SDCBP2: variants seen among roughly 807,000 people sequenced by gnomAD.
SDCBP2 encodes syndecan binding protein 2.
Under a neutral mutation model 30.7 loss-of-function variants are expected in SDCBP2, and 28 were observed. The ratio of observed to expected loss-of-function variants is 0.91; its 90% CI spans 0.68 to 1.25. The LOEUF (loss-of-function observed/expected upper bound fraction) is 1.25, where lower values mean the gene tolerates loss of function less well. Among genes scored for constraint, SDCBP2 ranks in the 50% most tolerant of loss-of-function variants. The pLI is 0.00. For missense variants in SDCBP2, 399 were observed against 379.0 expected, an observed-to-expected ratio of 1.05 and a Z score of -0.44; for synonymous variants, 166 against 157.3, an observed-to-expected ratio of 1.06 and a Z score of -0.41.
At position 1,312,693 on chromosome 20, in the gene SDCBP2, G is replaced by A. The variant is rs201102172; in HGVS notation, c.454C>T (p.Leu152Phe). ...CAGTCACGCCCGTCAATCTGCAGGA[G>A]CTGGTCCCCAAAGCGCAGCCCCACA... Reference protein sequence around the residue: ...SLVGLRFGDQLLQIDGRDCAG... With the variant: ...SLVGLRFGDQFLQIDGRDCAG... The change falls in exon 6 of 9, where the codon CTC (leucine) becomes TTC (phenylalanine). Residue 152 changes from leucine to phenylalanine, a missense_variant. Transcript: ENST00000360779. 6.2e-7 allele frequency: 1 copy of A among 1,614,162 alleles called. No homozygotes were observed. Among genetic ancestry groups the A allele is most frequent in the African/African-American group, 1.3e-5 (1 of 75,054 alleles).
At position 1,319,636 on chromosome 20, in the gene SDCBP2, C is replaced by A. The variant is rs763101569; in HGVS notation, c.78G>T (p.Lys26Asn). Residue 26 changes from lysine to asparagine, a missense_variant, in exon 3 of 9, where the codon AAG (lysine) becomes AAT (asparagine). Transcript: ENST00000360779. Reference protein sequence around the residue: ...AIQAQVRASPKMPALPVQATA... With the variant: ...AIQAQVRASPNMPALPVQATA... ...TTGCCTGGACTGGCAGGGCTGGCAT[C>A]TTGGGTGAGGCTCTGACCTGGGCCT... The A allele has an allele frequency of 3.2e-6, 5 of 1,569,394 alleles. No individual in the cohort carries two copies. The highest frequency in any genetic ancestry group is 4.3e-6 in the Non-Finnish European group (5 of 1,156,758).
At chr20:1,312,220 C>A in intron 7 of SDCBP2, 117 bp downstream of exon 7, 1 of 1,036,156 alleles carries the variant, frequency 9.7e-7, no homozygotes, top group Non-Finnish European at 1.4e-6. Context: ...TCTTACTGAA[C>A]CCTCACAGCA....
chr20:1,325,052 C>T (rs1260256288), intron 1 of SDCBP2, among the ~76,000 whole-genome samples: 1 of 152,170 alleles, frequency 6.6e-6, no homozygotes, highest in Non-Finnish European at 1.5e-5. Context: ...AGCCTCAGGA[C>T]GAACCTGTGC....
intron 3 of SDCBP2, 135 bp downstream of exon 3, chr20:1,319,455 C>T (rs914594572): frequency 2.1e-6 from 2 of 964,526 alleles, no homozygotes; most frequent in African/African-American, 3.3e-5. Flanking sequence ...CAACTGGAAG[C>T]CTGGTCCTCT....
In SDCBP2 at chr20:1,313,776, A is replaced by G; in HGVS notation, c.226-278T>C. ...CCTTCATTTCCCAAGGGAAACTGGC[A>G]TCAGGAAAAGCCTCCTTTAAAACCC... On this transcript the variant is annotated intron_variant, in intron 4 of 8. Coordinates refer to ENST00000360779, the MANE Select transcript of SDCBP2 (RefSeq NM_080489.5). The surrounding 1 kb of genome is among the most constrained non-coding windows in gnomAD (Gnocchi z 5.2). The G allele has an allele frequency of 2.8e-6, 2 of 704,438 alleles. No individual in the cohort carries two copies. Among genetic ancestry groups the G allele is most frequent in the Non-Finnish European group, 3.9e-6 (2 of 508,516 alleles). 43.6% of individuals were successfully genotyped at this position (704,438 alleles called of 1,614,324 possible).
chr20:1,313,013 T>G lies in SDCBP2; in HGVS notation c.385-251A>C. On this transcript the variant is annotated intron_variant, in intron 5 of 8. Coordinates refer to ENST00000360779, the MANE Select transcript of SDCBP2 (RefSeq NM_080489.5). The surrounding 1 kb of genome is among the most constrained non-coding windows in gnomAD (Gnocchi z 5.2). ...CACTCCGAAACACTCCACTGTACCA[T>G]TCACAAAGGCATGGGCTTCCCTGGC... The G allele has an allele frequency of 1.7e-6, 1 of 585,682 alleles. No homozygotes were observed. Among genetic ancestry groups the G allele is most frequent in the Non-Finnish European group, 3.0e-6 (1 of 330,206 alleles). The allele number at this position is 585,682 out of a possible 1,614,324, so 36.3% of individuals were successfully genotyped here.
intron 4 of SDCBP2, among the ~76,000 whole-genome samples, chr20:1,316,250 G>C (rs941309243): frequency 6.6e-6 from 1 of 152,228 alleles, no homozygotes; most frequent in Non-Finnish European, 1.5e-5. Context: ...TTAAGACCAT[G>C]ATGAGCCATC....
rs1343796906 is a variant in SDCBP2, at chr20:1,313,512, G to A, written c.226-14C>T. 6.4e-7 allele frequency: 1 copy of A among 1,571,404 alleles called. No individual in the cohort carries two copies. The highest frequency in any genetic ancestry group is 2.3e-5 in the East Asian group (1 of 43,532). On this transcript the variant is annotated splice_polypyrimidine_tract_variant and intron_variant, in intron 4 of 8. Coordinates refer to ENST00000360779, the MANE Select transcript of SDCBP2 (RefSeq NM_080489.5). The surrounding 1 kb of genome is among the most constrained non-coding windows in gnomAD (Gnocchi z 5.2). ...CGAGACCGCTGTCTGCAGACACCAG[G>A]GGGCAGGGGGTCAGCCCGGCCCGTG...
chr20:1,311,122 G>A (rs935076181), intron 7 of SDCBP2: 3 of 477,496 alleles, frequency 6.3e-6, no homozygotes, highest in African/African-American at 5.8e-5. Context: ...GATCTCCTTG[G>A]TCAAATGAGC....
At chr20:1,326,011 G>A (rs907344251) in intron 1 of SDCBP2, 27 of 152,390 alleles carry the variant, frequency 1.8e-4, no homozygotes, top group African/African-American at 5.5e-4. Flanking sequence ...CAGACCGAAA[G>A]CCTGTTATGA....
Position 1,310,385 on chromosome 20 carries a change from C to T in SDCBP2, c.*56G>A. 1 of 1,577,648 alleles carries T rather than the reference C, an allele frequency of 6.3e-7. No individual in the cohort carries two copies. The highest frequency in any genetic ancestry group is 8.7e-7 in the Non-Finnish European group (1 of 1,150,166). ...GCAACCCATCATCCGAGGGTGGTTG[C>T]CCTTTGCTGCAGGAGGGCGGGAAGC... On this transcript the variant is annotated 3_prime_UTR_variant, in exon 9 of 9. Coordinates refer to ENST00000360779, the MANE Select transcript of SDCBP2 (RefSeq NM_080489.5).
At chr20:1,325,001 T>C (rs1049033141) in intron 1 of SDCBP2, among the ~76,000 whole-genome samples, 1 of 152,112 alleles carries the variant, frequency 6.6e-6, no homozygotes, top group African/African-American at 2.4e-5. Flanking sequence ...ACAAAGGGCA[T>C]CATATTGATT....
chr20:1,312,738 C>A lies in SDCBP2; in HGVS notation c.409G>T (p.Ala137Ser). 1 of 1,613,232 alleles carries A rather than the reference C, an allele frequency of 6.2e-7. No individual in the cohort carries two copies. Among genetic ancestry groups the A allele is most frequent in the Admixed American group, 1.7e-5 (1 of 59,988 alleles). Residue 137 changes from alanine to serine, a missense_variant, in exon 6 of 9, where the codon GCC becomes TCC. Transcript: ENST00000360779. The part of the protein sequence containing the change: ...DQGLFVQLVQ[A>S]NTPASLVGLR... ...CCCACAAGGGATGCAGGGGTGTTGG[C>A]CTGGACCAACTGCACAAAGAGCCCC...
In SDCBP2 at chr20:1,310,201, T is replaced by C; in HGVS notation, c.*240A>G. The C allele has an allele frequency of 2.3e-6, 1 of 438,680 alleles. No individual in the cohort carries two copies. Among genetic ancestry groups the C allele is most frequent in the East Asian group, 3.6e-5 (1 of 27,638 alleles). The allele number at this position is 438,680 out of a possible 1,614,324, so 27.2% of individuals were successfully genotyped here. A position where few individuals can be genotyped will look rare whatever the true frequency, so the allele number is the denominator to read the frequency against. ...CCTGCCTCCGTGTCCAGCATTTAAA[T>C]CAGCACAAGAGAATCGGCTGCCTGT... On this transcript the variant is annotated 3_prime_UTR_variant, in exon 9 of 9. Coordinates refer to ENST00000360779, the MANE Select transcript of SDCBP2 (RefSeq NM_080489.5).
Position 1,320,726 on chromosome 20 carries a change from C to T in SDCBP2, c.-19-291G>A. On this transcript the variant is annotated intron_variant, in intron 1 of 8. Transcript: ENST00000360779. The surrounding 1 kb of genome is among the most constrained non-coding windows in gnomAD (Gnocchi z 4.7). ...CACACAAACTGTAGCAGAACTTAGA[C>T]ACTCAACAGGGCACTGCTCCAGAGG... 3.9e-6 allele frequency: 1 copy of T among 254,684 alleles called. No individual in the cohort carries two copies. Among genetic ancestry groups the T allele is most frequent in the Non-Finnish European group, 7.6e-6 (1 of 131,490 alleles). The allele number at this position is 254,684 out of a possible 1,614,324, so 15.8% of individuals were successfully genotyped here.
In SDCBP2 at chr20:1,310,108, C is replaced by A; in HGVS notation, c.*333G>T. 1 of 250,302 alleles carries A rather than the reference C, an allele frequency of 4.0e-6. No homozygotes were observed. Among genetic ancestry groups the A allele is most frequent in the South Asian group, 1.1e-4 (1 of 8,858 alleles). The allele number at this position is 250,302 out of a possible 1,614,324, so 15.5% of individuals were successfully genotyped here. A position where few individuals can be genotyped will look rare whatever the true frequency, so the allele number is the denominator to read the frequency against. On this transcript the variant is annotated 3_prime_UTR_variant, in exon 9 of 9. Transcript: ENST00000360779. ...AGCTCTGTTCTCTTAAAATGTGTAACTGTTTTCCTGGTAGAGCAAAATTTC... is the reference window on the plus strand; with the variant it reads ...AGCTCTGTTCTCTTAAAATGTGTAAATGTTTTCCTGGTAGAGCAAAATTTC...
Position 1,312,475 on chromosome 20 carries a change from G to A in SDCBP2, c.594C>T (p.Asp198=), listed in dbSNP as rs766639872. 1 of 1,614,166 alleles carries A rather than the reference G, an allele frequency of 6.2e-7. No individual in the cohort carries two copies. Among genetic ancestry groups the A allele is most frequent in the East Asian group, 2.2e-5 (1 of 44,876 alleles). The change falls in exon 7 of 9, where the codon GAC becomes GAT. Residue 198 remains aspartate (D), a synonymous_variant. Coordinates refer to ENST00000360779, the MANE Select transcript of SDCBP2 (RefSeq NM_080489.5). Reference sequence around the variant, plus strand: ...TCACGAAGCCGACGTGGCCCATGCTGTCCTTGTGCATGGTGACAGTCCGCT... The same window carrying A: ...TCACGAAGCCGACGTGGCCCATGCTATCCTTGTGCATGGTGACAGTCCGCT... The part of the protein sequence containing the change: ...PFQRTVTMHK[D]SMGHVGFVIK...
At chr20:1,312,191 C>A in intron 7 of SDCBP2, 146 bp downstream of exon 7, 1 of 791,388 alleles carries the variant, frequency 1.3e-6, no homozygotes, top group Non-Finnish European at 2.0e-6. Flanking sequence ...AGTCACCGCA[C>A]CCAGCCCTAC....
chr20:1,313,274 T>C lies in SDCBP2; in HGVS notation c.384+66A>G, dbSNP rs2088709916. The C allele has an allele frequency of 6.5e-7, 1 of 1,531,184 alleles. No homozygotes were observed. Among genetic ancestry groups the C allele is most frequent in the East Asian group, 2.4e-5 (1 of 42,504 alleles). The allele number at this position is 1,531,184 out of a possible 1,614,324, so 94.8% of individuals were successfully genotyped here. A position where few individuals can be genotyped will look rare whatever the true frequency, so the allele number is the denominator to read the frequency against. On this transcript the variant is annotated intron_variant, in intron 5 of 8. Coordinates refer to ENST00000360779, the MANE Select transcript of SDCBP2 (RefSeq NM_080489.5). This position sits in a 1 kb window ranked among gnomAD's most constrained non-coding sequence, Gnocchi z 5.2. ...CTTACTGTGGACGGGCCCTCTGAGC[T>C]CTGAGGCCTGGCGGGAGAGCGCGTG... is the stretch of plus-strand genomic sequence containing the variant.
Sources: gnomAD v4.1 joint callset for allele counts (sites outside exome capture counted in the v4.1 genomes callset) on GRCh38, gnomAD v4.1.1 for gene constraint, Gnocchi (gnomAD v3.1) non-coding constraint, MANE v1.5 for transcripts, NCBI Gene and HGNC (gene_info 2026-07-23, HGNC 2026-07-21) for gene names.